Variants in SPTBN1 observed in about 807,000 individuals in gnomAD.
The protein encoded by SPTBN1 is spectrin beta, non-erythrocytic 1, also known as spectrin beta chain, non-erythrocytic 1.
In SPTBN1, 32 loss-of-function variants were observed where a neutral mutation model predicts 266.4. The ratio of observed to expected loss-of-function variants is 0.12; its 90% CI spans 0.09 to 0.16. The LOEUF is 0.16. Ranked by LOEUF, SPTBN1 falls within the 10% of genes least tolerant of loss-of-function variation. The probability of loss-of-function intolerance (pLI) is 1.00; values close to 1 mark genes in which losing one functional copy is unlikely to be tolerated. For synonymous variants in SPTBN1, 1,336 were observed against 1,162.2 expected, an observed-to-expected ratio of 1.15 and a Z score of -3.04; for missense variants, 2,296 against 3,067.1, an observed-to-expected ratio of 0.75 and a Z score of 5.94.
rs1489708602 is a variant in SPTBN1 at position 54,670,200 on chromosome 2, C to G, written c.*1631C>G. The G allele has an allele frequency of 6.6e-6, 1 of 151,502 alleles. No individual in the cohort carries two copies. Among genetic ancestry groups the G allele is most frequent in the African/African-American group, 2.4e-5 (1 of 41,054 alleles). 9.4% of individuals were successfully genotyped at this position (151,502 alleles called of 1,614,324 possible). ...TAAAGTCTATTTTATACAGATCAGA[C>G]CAAAAAGAAGAAAAAAAAAAAACAG... On this transcript the variant is annotated 3_prime_UTR_variant, in exon 36 of 36. Transcript: ENST00000356805.
chr2:54,507,241 A>G (rs990886732), intron 1 of SPTBN1, among the ~76,000 whole-genome samples: 6 of 152,154 alleles, frequency 3.9e-5, no homozygotes, highest in African/African-American at 1.4e-4. Context: ...ATCTGGATGT[A>G]TACGTGCAGG....
chr2:54,557,826 C>CT (rs1160785112), intron 2 of SPTBN1: 2 of 985,336 alleles, frequency 2.0e-6, no homozygotes, highest in Non-Finnish European at 2.4e-6. Flanking sequence ...TGAGCCCGAA[C>CT]TTACACCTCC....
chr2:54,621,268 A>G (rs1310158281), intron 7 of SPTBN1, 132 bp from the exon 8 acceptor site: 3 of 576,062 alleles, frequency 5.2e-6, no homozygotes, highest in Non-Finnish European at 9.4e-6. Flanking sequence ...CACGGATGGC[A>G]GAACACTCAG....
At position 54,625,883 on chromosome 2, in the gene SPTBN1, G is replaced by A. The variant is rs199823692; in HGVS notation, c.1342-49G>A. 9.9e-5 allele frequency: 155 copies of A among 1,570,156 alleles called. 1 individual carries two copies. The African/African-American group carries it at 1.7e-3, about 17-fold the overall frequency. On this transcript the variant is annotated intron_variant, in intron 11 of 35. Transcript: ENST00000356805. ...TGGGATTACAAGCATGAGCTACTGT[G>A]CCCGGGTGGATTTTTTATTTTCCTT...
At position 54,631,748 on chromosome 2, in the gene SPTBN1, T is replaced by TC. The variant is rs1417601311; in HGVS notation, c.3564+141dup. On this transcript the variant is annotated intron_variant, in intron 16 of 35. Coordinates refer to ENST00000356805, the MANE Select transcript of SPTBN1 (RefSeq NM_003128.3). ...GATAATTTAGAGACTGATTTTTTTT[T>TC]CCCCATACTCTTAAGGCATTGAAAT... is the stretch of plus-strand genomic sequence containing the variant. 2.6e-6 allele frequency: 3 copies of TC among 1,153,906 alleles called. No individual in the cohort carries two copies. The East Asian group carries it at 7.4e-5, about 28-fold the overall frequency. The allele number at this position is 1,153,906 out of a possible 1,614,324, so 71.5% of individuals were successfully genotyped here. A position where few individuals can be genotyped will look rare whatever the true frequency, so the allele number is the denominator to read the frequency against.
At position 54,631,034 on chromosome 2, in the gene SPTBN1, G is replaced by A. The variant is rs985663880; in HGVS notation, c.2987G>A (p.Arg996His). ...NDLAGVMALQRKLTGMERDLV... is the reference protein window; with the variant it reads ...NDLAGVMALQHKLTGMERDLV... ...CTGGCTGGCGTCATGGCCCTGCAGC[G>A]CAAGCTGACCGGCATGGAGCGGGAC... The change falls in exon 16 of 36, where the codon CGC becomes CAC. Residue 996 changes from arginine to histidine, a missense_variant. By Grantham distance (29) the Arg-to-His change is conservative. Transcript: ENST00000356805. 5.0e-6 allele frequency: 8 copies of A among 1,613,818 alleles called. No individual in the cohort carries two copies. Among genetic ancestry groups the A allele is most frequent in the Non-Finnish European group, 5.9e-6 (7 of 1,179,832 alleles).
At chr2:54,585,904 G>A (rs903442379) in intron 2 of SPTBN1, among the ~76,000 whole-genome samples, 79 of 152,254 alleles carry the variant, frequency 5.2e-4, no homozygotes, top group Middle Eastern at 3.4e-3. Flanking sequence ...AAATATAACC[G>A]TGGATTGGGT....
chr2:54,621,527 A>C lies in SPTBN1; in HGVS notation c.876+15A>C. The stretch of plus-strand genomic sequence containing the variant: ...GAATTGGAAAGGTGAGCTGGTGCCA[A>C]TTTTGTGAGTTGTGAGACATAATTA... On this transcript the variant is annotated intron_variant, in intron 8 of 35. Coordinates refer to ENST00000356805, the MANE Select transcript of SPTBN1 (RefSeq NM_003128.3). The C allele has an allele frequency of 6.2e-7, 1 of 1,601,044 alleles. No individual in the cohort carries two copies. Among genetic ancestry groups the C allele is most frequent in the Non-Finnish European group, 8.6e-7 (1 of 1,168,186 alleles).
At chr2:54,635,228 G>A (rs1353960188) in intron 17 of SPTBN1, among the ~76,000 whole-genome samples, 1 of 152,230 alleles carries the variant, frequency 6.6e-6, no homozygotes. Flanking sequence ...GCCCTTCCCT[G>A]TAATTGAATC....
chr2:54,493,803 G>C (rs1327511862), intron 1 of SPTBN1, among the ~76,000 whole-genome samples: 1 of 152,234 alleles, frequency 6.6e-6, no homozygotes, highest in East Asian at 1.9e-4. Context: ...TCTTTGTGTA[G>C]CCCATGTTGT....
intron 12 of SPTBN1, among the ~76,000 whole-genome samples, chr2:54,627,157 G>A (rs192352051): frequency 1.8e-3 from 270 of 152,310 alleles, no homozygotes; most frequent in African/African-American, 6.1e-3. Flanking sequence ...TCCTGACAGA[G>A]GGGCAAAGTC....
intron 3 of SPTBN1, among the ~76,000 whole-genome samples, chr2:54,600,539 A>G (rs1676431057): frequency 1.3e-5 from 2 of 152,178 alleles, no homozygotes; most frequent in South Asian, 2.1e-4. Flanking sequence ...GGGAGTTTGA[A>G]CAGGCCATTT....
intron 2 of SPTBN1, among the ~76,000 whole-genome samples, chr2:54,538,919 T>C (rs1322414001): frequency 6.6e-6 from 1 of 152,226 alleles, no homozygotes; most frequent in Non-Finnish European, 1.5e-5. Context: ...GTTTACCTAT[T>C]GGTTCACTCT....
At chr2:54,622,989 T>G (rs916950917) in intron 9 of SPTBN1, among the ~76,000 whole-genome samples, 1 of 152,242 alleles carries the variant, frequency 6.6e-6, no homozygotes, top group Non-Finnish European at 1.5e-5. Flanking sequence ...AGTTTGATTT[T>G]TTTTCATATC....
chr2:54,667,587 C>T lies in SPTBN1; in HGVS notation c.6834-17C>T, dbSNP rs775943681. On this transcript the variant is annotated splice_polypyrimidine_tract_variant and intron_variant, in intron 34 of 35. Coordinates refer to ENST00000356805, the MANE Select transcript of SPTBN1 (RefSeq NM_003128.3). ...CTGTAATTAAGTGGTGACTAACTTT[C>T]TTCCTTGAAATTACAGACTAAATGA... 3 of 1,613,076 alleles carry T rather than the reference C, an allele frequency of 1.9e-6. No homozygotes were observed. Among genetic ancestry groups the T allele is most frequent in the Middle Eastern group, 1.7e-4 (1 of 6,054 alleles).
intron 17 of SPTBN1, among the ~76,000 whole-genome samples, chr2:54,634,893 C>G (rs1679014825): frequency 6.6e-6 from 1 of 152,080 alleles, no homozygotes; most frequent in African/African-American, 2.4e-5. Flanking sequence ...TCAGCCTGCC[C>G]CAGGGGATGT....
At position 54,550,130 on chromosome 2, in the gene SPTBN1, G is replaced by T. The variant is rs184291446; in HGVS notation, c.148+23564G>T. Among the ~76,000 whole-genome samples the T allele has an allele frequency of 1.2e-4, 18 of 152,270 alleles. No homozygotes were observed. In the East Asian group the frequency reaches 2.9e-3, roughly 24 times the overall value. ...TGGGGAGATAAAGCAAAGAGGGAAG[G>T]GTGTTTTATGGTGTCTGTAAAGAAG... is the stretch of plus-strand genomic sequence containing the variant. On this transcript the variant is annotated intron_variant, in intron 2 of 35. Transcript: ENST00000356805.
In SPTBN1 at chr2:54,646,112, C is replaced by A; in HGVS notation, c.4585-82C>A. The A allele has an allele frequency of 6.2e-7, 1 of 1,602,744 alleles. No individual in the cohort carries two copies. ...AGAGAGCTTTGAAGCCTTGCTATTT[C>A]TTTCTGGCCCTAACAGCTTGACATA... On this transcript the variant is annotated intron_variant, in intron 22 of 35. Transcript: ENST00000356805. This position sits in a 1 kb window ranked among gnomAD's most constrained non-coding sequence, Gnocchi z 4.4.
At chr2:54,650,110 T>A in intron 26 of SPTBN1, 121 bp downstream of exon 26, 3 of 1,265,262 alleles carry the variant, frequency 2.4e-6, no homozygotes, top group Non-Finnish European at 3.2e-6. Flanking sequence ...ATTAAGCACA[T>A]ACATGTACCC....
Sources: allele counts gnomAD v4.1 joint callset (sites outside exome capture counted in the v4.1 genomes callset), GRCh38; gene constraint gnomAD v4.1.1; non-coding constraint Gnocchi (gnomAD v3.1); transcripts MANE v1.5; gene names NCBI Gene and HGNC (gene_info 2026-07-23, HGNC 2026-07-21).